Variants in NTNG1 observed in about 807,000 individuals in gnomAD.
NTNG1 encodes netrin-G1.
In NTNG1, 16 loss-of-function variants were observed where a neutral mutation model predicts 54.0. The observed-to-expected ratio is 0.30, with a 90% CI of 0.20 to 0.45. NTNG1 has a LOEUF of 0.45. Ranked by LOEUF, NTNG1 falls within the 20% of genes least tolerant of loss-of-function variation. NTNG1 has a pLI of 1.00. For synonymous variants in NTNG1, 255 were observed against 263.1 expected (o/e 0.97, Z 0.30); for missense variants, 530 against 678.7 (o/e 0.78, Z 2.43).
intron 2 of NTNG1, among the ~76,000 whole-genome samples, chr1:107,251,504 C>T (rs1433652613): frequency 6.6e-6 from 1 of 152,188 alleles, no homozygotes; most frequent in Non-Finnish European, 1.5e-5. Context: ...ACTTTTGCAT[C>T]TAGTTAACAA....
At chr1:107,221,143 A>G (rs1292579928) in intron 2 of NTNG1, among the ~76,000 whole-genome samples, 1 of 152,170 alleles carries the variant, frequency 6.6e-6, no homozygotes, top group Non-Finnish European at 1.5e-5. Flanking sequence ...TTTTTAGGTT[A>G]AACAACATGA....
chr1:107,186,056 C>G (rs1012527449), intron 2 of NTNG1, among the ~76,000 whole-genome samples: 5 of 152,110 alleles, frequency 3.3e-5, no homozygotes, highest in African/African-American at 1.2e-4. Context: ...TCTCCAATAT[C>G]TATTATTCCA....
At chr1:107,217,557 T>C (rs1450934780) in intron 2 of NTNG1, among the ~76,000 whole-genome samples, 2 of 152,334 alleles carry the variant, frequency 1.3e-5, no homozygotes, top group East Asian at 3.9e-4. Context: ...TGTTTATTTG[T>C]GCTCTTTCAG....
chr1:107,268,598 G>A (rs769085905), intron 2 of NTNG1, among the ~76,000 whole-genome samples: 1 of 151,830 alleles, frequency 6.6e-6, no homozygotes, highest in Non-Finnish European at 1.5e-5. Flanking sequence ...CAGTCTCATG[G>A]CTTTAAGTGT....
chr1:107,352,848 T>G (rs982948935), intron 3 of NTNG1, among the ~76,000 whole-genome samples: 3 of 152,222 alleles, frequency 2.0e-5, no homozygotes, highest in Admixed American at 6.5e-5. Flanking sequence ...CCAAGGCTTA[T>G]GGTTTGCACC....
At chr1:107,328,946 G>T (rs1277504851) in intron 3 of NTNG1, 2 of 152,122 alleles carry the variant, frequency 1.3e-5, no homozygotes, top group East Asian at 3.9e-4. Context: ...GAAGAAAGTG[G>T]ACTGGAAAAC....
intron 3 of NTNG1, among the ~76,000 whole-genome samples, chr1:107,385,246 C>T (rs943999004): frequency 2.6e-5 from 4 of 152,096 alleles, no homozygotes; most frequent in Non-Finnish European, 4.4e-5. Context: ...CTTTGACACA[C>T]GTTCCCTAAT....
At chr1:107,442,986 A>G (rs1385159194) in intron 7 of NTNG1, among the ~76,000 whole-genome samples, 1 of 152,150 alleles carries the variant, frequency 6.6e-6, no homozygotes, top group Non-Finnish European at 1.5e-5. Flanking sequence ...TTGAGTAATG[A>G]CAACTTCCCC....
At chr1:107,173,584 C>T (rs985020690) in intron 2 of NTNG1, among the ~76,000 whole-genome samples, 2 of 152,112 alleles carry the variant, frequency 1.3e-5, no homozygotes, top group Non-Finnish European at 2.9e-5. Context: ...GAAGGTTTTA[C>T]AGCTCTCTGG....
intron 2 of NTNG1, among the ~76,000 whole-genome samples, chr1:107,286,475 C>T (rs1665209354): frequency 6.6e-6 from 1 of 152,064 alleles, no homozygotes; most frequent in South Asian, 2.1e-4. Flanking sequence ...GTAGAGAGTA[C>T]CCATTAATGA....
intron 2 of NTNG1, among the ~76,000 whole-genome samples, chr1:107,189,685 C>T (rs72697683): frequency 0.051 from 7,825 of 151,992 alleles, 218 homozygotes; most frequent in African/African-American, 0.076. Context: ...TGCCCATCAT[C>T]CTATCTGGTG....
At chr1:107,428,247 T>C (rs1675022781) in intron 5 of NTNG1, among the ~76,000 whole-genome samples, 1 of 152,160 alleles carries the variant, frequency 6.6e-6, no homozygotes, top group Non-Finnish European at 1.5e-5. Context: ...CTACCTGCCC[T>C]GAGGAAGATT....
chr1:107,208,445 G>GAA (rs1426799691), intron 2 of NTNG1, among the ~76,000 whole-genome samples: 2 of 126,610 alleles, frequency 1.6e-5, no homozygotes, highest in African/African-American at 5.7e-5. Flanking sequence ...AAAAAAAAAA[G>GAA]AAAGAAAGAA....
chr1:107,292,965 ATC>A (rs34515446), intron 2 of NTNG1, among the ~76,000 whole-genome samples: 29,982 of 152,018 alleles, frequency 0.2, 3,656 homozygotes, highest in Non-Finnish European at 0.27. Context: ...ACTTGCCTTC[ATC>A]TCTCCTTCCG....
chr1:107,268,923 C>CT (rs1663942257), intron 2 of NTNG1, among the ~76,000 whole-genome samples: 2 of 152,170 alleles, frequency 1.3e-5, no homozygotes, highest in Non-Finnish European at 1.5e-5. Flanking sequence ...AGCCAACCCT[C>CT]CAAGCCATTG....
intron 2 of NTNG1, among the ~76,000 whole-genome samples, chr1:107,192,856 A>C (rs1658063915): frequency 6.6e-6 from 1 of 152,084 alleles, no homozygotes; most frequent in Non-Finnish European, 1.5e-5. Context: ...AAATCTGACT[A>C]ATTCTGAATA....
chr1:107,204,242 T>C (rs1013751675), intron 2 of NTNG1, among the ~76,000 whole-genome samples: 1 of 152,156 alleles, frequency 6.6e-6, no homozygotes, highest in Non-Finnish European at 1.5e-5. Flanking sequence ...TGGTTTGATA[T>C]AGCAGATTAG....
intron 2 of NTNG1, among the ~76,000 whole-genome samples, chr1:107,220,989 T>C (rs1014810497): frequency 6.6e-6 from 1 of 152,206 alleles, no homozygotes; most frequent in Non-Finnish European, 1.5e-5. Context: ...ATTATCAATG[T>C]AACCTTGAGC....
intron 5 of NTNG1, chr1:107,410,130 A>G (rs1290020875): frequency 6.6e-6 from 1 of 152,174 alleles, no homozygotes; most frequent in African/African-American, 2.4e-5. Flanking sequence ...CACTAACTAT[A>G]TAGAAAGATA....
Sources: allele counts gnomAD v4.1 joint callset (sites outside exome capture counted in the v4.1 genomes callset), GRCh38; gene constraint gnomAD v4.1.1; transcripts MANE v1.5; gene names NCBI Gene and HGNC (gene_info 2026-07-23, HGNC 2026-07-21).